LAMA3: variants seen among roughly 807,000 people sequenced by gnomAD.
LAMA3 encodes the protein laminin subunit alpha-3.
Under a neutral mutation model 402.0 loss-of-function variants are expected in LAMA3, and 281 were observed. The ratio of observed to expected loss-of-function variants is 0.70; its 90% CI spans 0.63 to 0.77. The LOEUF (loss-of-function observed/expected upper bound fraction) is 0.77, where lower values mean the gene tolerates loss of function less well. Among genes scored for constraint, LAMA3 ranks in the 30% least tolerant of loss-of-function variants. The pLI is 0.00. For synonymous variants in LAMA3, 1,431 were observed against 1,558.4 expected (o/e 0.92, Z 1.93); for missense variants, 3,840 against 4,215.5 (o/e 0.91, Z 2.47).
chr18:23,800,226 T>C (rs887523470), intron 12 of LAMA3, among the ~76,000 whole-genome samples: 1 of 152,222 alleles, frequency 6.6e-6, no homozygotes, highest in African/African-American at 2.4e-5. Flanking sequence ...ACAACTATCC[T>C]GTATACAATC....
intron 44 of LAMA3, among the ~76,000 whole-genome samples, chr18:23,897,877 C>T (rs1313504940): frequency 6.6e-6 from 1 of 152,168 alleles, no homozygotes; most frequent in Admixed American, 6.5e-5. Context: ...AAAACCAACC[C>T]TGCAGCTAAA....
intron 42 of LAMA3, among the ~76,000 whole-genome samples, chr18:23,892,204 T>C (rs886899423): frequency 1.3e-5 from 2 of 152,182 alleles, no homozygotes; most frequent in South Asian, 2.1e-4. Flanking sequence ...TCAAGAAGCT[T>C]CAACATCACG....
chr18:23,706,025 A>G (rs1434984717), intron 1 of LAMA3, among the ~76,000 whole-genome samples: 1 of 152,140 alleles, frequency 6.6e-6, no homozygotes, highest in Non-Finnish European at 1.5e-5. Context: ...ACGTATTTCG[A>G]AAAAGTAGGT....
intron 2 of LAMA3, among the ~76,000 whole-genome samples, chr18:23,721,619 C>T (rs1015287421): frequency 3.3e-5 from 5 of 152,304 alleles, no homozygotes; most frequent in Admixed American, 1.3e-4. Flanking sequence ...CTCTCGGTCT[C>T]TTCCATATCC....
intron 29 of LAMA3, among the ~76,000 whole-genome samples, chr18:23,844,143 G>A (rs144528362): frequency 3.5e-3 from 526 of 152,296 alleles, no homozygotes; most frequent in Non-Finnish European, 5.9e-3. Context: ...CTCAGCAAAC[G>A]TTTATTGAAT....
chr18:23,836,695 G>A (rs2063587625), intron 24 of LAMA3, among the ~76,000 whole-genome samples: 1 of 152,050 alleles, frequency 6.6e-6, no homozygotes, highest in African/African-American at 2.4e-5. Flanking sequence ...CTGACCCTGG[G>A]GCCCTTTCTC....
chr18:23,943,657 C>T (rs183958561), intron 68 of LAMA3, 131 bp from the exon 69 acceptor site: 199 of 767,022 alleles, frequency 2.6e-4, no homozygotes, highest in Admixed American at 3.7e-4. Flanking sequence ...GTCATTTAAT[C>T]AGTACCTACG....
chr18:23,707,323 G>A (rs2060908641), intron 1 of LAMA3, among the ~76,000 whole-genome samples: 1 of 152,176 alleles, frequency 6.6e-6, no homozygotes, highest in African/African-American at 2.4e-5. Flanking sequence ...GGTGATTCTG[G>A]GTGGTTGGAC....
chr18:23,750,519 T>C (rs1054678180), intron 4 of LAMA3, among the ~76,000 whole-genome samples: 4 of 147,430 alleles, frequency 2.7e-5, no homozygotes, highest in African/African-American at 7.5e-5. Context: ...TTCAACCTCA[T>C]GTAGATTTTT....
rs112448943 is a variant in LAMA3 at position 23,769,380 on chromosome 18, C to T, written c.1183-4117C>T. On this transcript the variant is annotated intron_variant, in intron 8 of 74. Coordinates refer to ENST00000313654, the MANE Select transcript of LAMA3 (RefSeq NM_198129.4). ...TGGAAAAAATTAGAGTATGTAGGGC[C>T]GCTTACAACAAAATTTATGACATTG... 2.8e-3 allele frequency among the ~76,000 whole-genome samples: 433 copies of T among 151,976 alleles called. 1 individual carries two copies. The highest frequency in any genetic ancestry group is 3.8e-3 in the African/African-American group (157 of 41,444).
chr18:23,939,907 A>G (rs2082438012), intron 68 of LAMA3, among the ~76,000 whole-genome samples: 1 of 152,218 alleles, frequency 6.6e-6, no homozygotes, highest in Non-Finnish European at 1.5e-5. Flanking sequence ...TGTCATTTTC[A>G]GGTGATTTGA....
At position 23,743,607 on chromosome 18, in the gene LAMA3, C is replaced by A. The variant is rs1360247064; in HGVS notation, c.448-4336C>A. Among the ~76,000 whole-genome samples the A allele has an allele frequency of 2.6e-5, 4 of 152,198 alleles. No individual in the cohort carries two copies. The East Asian group carries it at 7.7e-4, about 29-fold the overall frequency. ...TGAGAAACAAGGATCAGAGGACACC[C>A]TCTTGTCTTCCCTACTCACCCTGAA... is the stretch of plus-strand genomic sequence containing the variant. On this transcript the variant is annotated intron_variant, in intron 2 of 74. Coordinates refer to ENST00000313654, the MANE Select transcript of LAMA3 (RefSeq NM_198129.4).
chr18:23,913,028 T>TC (rs2145227264), intron 56 of LAMA3, 147 bp downstream of exon 56: 1 of 779,924 alleles, frequency 1.3e-6, no homozygotes, highest in South Asian at 1.5e-5. Context: ...TCCAGCTTCC[T>TC]CCCTGCCCAC....
intron 6 of LAMA3, among the ~76,000 whole-genome samples, chr18:23,754,159 T>C (rs2061801374): frequency 6.6e-6 from 1 of 152,224 alleles, no homozygotes; most frequent in African/African-American, 2.4e-5. Context: ...AGGGTATACA[T>C]TTCAAATCCT....
chr18:23,910,491 A>G (rs952940557), intron 55 of LAMA3, among the ~76,000 whole-genome samples: 3 of 152,226 alleles, frequency 2.0e-5, no homozygotes, highest in African/African-American at 7.2e-5. Context: ...CTGAGGACAC[A>G]GAAATTATTA....
intron 1 of LAMA3, among the ~76,000 whole-genome samples, chr18:23,700,481 G>A (rs1241258035): frequency 1.3e-5 from 2 of 152,134 alleles, no homozygotes; most frequent in Non-Finnish European, 2.9e-5. Flanking sequence ...GATGTACAGT[G>A]TCATAATTAA....
At chr18:23,861,613 G>C in intron 34 of LAMA3, 33 bp from the exon 35 acceptor site, 5 of 1,613,470 alleles carry the variant, frequency 3.1e-6, no homozygotes, top group Non-Finnish European at 4.2e-6. Flanking sequence ...CGACCAAGAC[G>C]TTTCCATCCC....
chr18:23,695,360 AT>A (rs1309356467), intron 1 of LAMA3, among the ~76,000 whole-genome samples: 1 of 152,224 alleles, frequency 6.6e-6, no homozygotes, highest in Admixed American at 6.5e-5. Context: ...TATGCGTGTT[AT>A]CCCTGTTTGG....
intron 19 of LAMA3, among the ~76,000 whole-genome samples, chr18:23,821,382 T>G (rs1406957994): frequency 6.6e-6 from 1 of 152,254 alleles, no homozygotes; most frequent in Non-Finnish European, 1.5e-5. Context: ...CAAGTGATTC[T>G]GCACAAAGTC....
Sources: allele counts gnomAD v4.1 joint callset (sites outside exome capture counted in the v4.1 genomes callset), GRCh38; gene constraint gnomAD v4.1.1; transcripts MANE v1.5; gene names NCBI Gene and HGNC (gene_info 2026-07-23, HGNC 2026-07-21).